Variants in SEC14L5 observed in about 807,000 individuals in gnomAD.
SEC14L5 encodes SEC14-like protein 5.
In SEC14L5, 96 loss-of-function variants were observed where a neutral mutation model predicts 84.6. The observed-to-expected ratio is 1.13, with a 90% CI of 0.96 to 1.34. SEC14L5 has a LOEUF of 1.34. Ranked by LOEUF, SEC14L5 falls within the 40% of genes most tolerant of loss-of-function variation. SEC14L5 has a pLI of 0.00. For synonymous variants in SEC14L5, 546 were observed against 383.4 expected, an observed-to-expected ratio of 1.42 and a Z score of -4.95; for missense variants, 1,224 against 942.5, an observed-to-expected ratio of 1.30 and a Z score of -3.91.
At chr16:4,995,610 TTC>T (rs969613056) in intron 6 of SEC14L5, among the ~76,000 whole-genome samples, 18 of 146,512 alleles carry the variant, frequency 1.2e-4, no homozygotes, top group Non-Finnish European at 1.6e-4. Flanking sequence ...CAGTTTTATC[TTC>T]TCTCTCTCTC....
In SEC14L5 at chr16:5,018,473, C is replaced by T; in HGVS notation, c.*3503C>T. ...CTTGAGTGCAGGAGTTCAAGACCAG[C>T]CTGGGCAACATAGTGAGACCCTGTC... On this transcript the variant is annotated 3_prime_UTR_variant, in exon 16 of 16. Coordinates refer to ENST00000251170, the MANE Select transcript of SEC14L5 (RefSeq NM_014692.2). 6.6e-6 allele frequency: 1 copy of T among 152,318 alleles called. No individual in the cohort carries two copies. Among genetic ancestry groups the T allele is most frequent in the Non-Finnish European group, 1.5e-5 (1 of 68,092 alleles). The allele number at this position is 152,318 out of a possible 1,614,324, so 9.4% of individuals were successfully genotyped here.
chr16:4,958,662 C>G (rs1955083221), intron 1 of SEC14L5, among the ~76,000 whole-genome samples: 1 of 152,094 alleles, frequency 6.6e-6, no homozygotes, highest in East Asian at 1.9e-4. Context: ...GTGTGCACGT[C>G]TGTGCACACC....
intron 2 of SEC14L5, among the ~76,000 whole-genome samples, chr16:4,967,902 CTCCT>C (rs1225635299): frequency 4.7e-5 from 7 of 149,752 alleles, no homozygotes; most frequent in Non-Finnish European, 8.9e-5. Context: ...CACACCTGGC[CTCCT>C]TCCTTCCTTC....
rs1955879672 is a variant in SEC14L5 at position 5,016,833 on chromosome 16, C to G, written c.*1863C>G. The G allele has an allele frequency of 6.6e-6, 1 of 152,232 alleles. No individual in the cohort carries two copies. 9.4% of individuals were successfully genotyped at this position (152,232 alleles called of 1,614,324 possible). ...CTGGGAGAGAGCCTTGCCCACCTTC[C>G]TGTTGGCTCTCTGTCCGCTTCTCAG... On this transcript the variant is annotated 3_prime_UTR_variant, in exon 16 of 16. Transcript: ENST00000251170.
chr16:5,006,679 C>T (rs1440012523), intron 12 of SEC14L5, among the ~76,000 whole-genome samples: 1 of 152,216 alleles, frequency 6.6e-6, no homozygotes, highest in African/African-American at 2.4e-5. Context: ...TTAAAAAAGT[C>T]TTTTCCTAGG....
chr16:5,016,773 A>G lies in SEC14L5; in HGVS notation c.*1803A>G, dbSNP rs927767911. The G allele has an allele frequency of 2.0e-5, 3 of 152,226 alleles. No individual in the cohort carries two copies. The highest frequency in any genetic ancestry group is 1.3e-4 in the Admixed American group (2 of 15,282). The allele number at this position is 152,226 out of a possible 1,614,324, so 9.4% of individuals were successfully genotyped here. A position where few individuals can be genotyped will look rare whatever the true frequency, so the allele number is the denominator to read the frequency against. ...TCAACCCCAAACCCAAGGAAGAGAG[A>G]AAGTGTCATCTTTTCAGATACATCC... On this transcript the variant is annotated 3_prime_UTR_variant, in exon 16 of 16. Coordinates refer to ENST00000251170, the MANE Select transcript of SEC14L5 (RefSeq NM_014692.2).
At chr16:5,005,147 C>G (rs937571380) in intron 11 of SEC14L5, among the ~76,000 whole-genome samples, 4 of 152,000 alleles carry the variant, frequency 2.6e-5, no homozygotes, top group African/African-American at 9.7e-5. Context: ...TACAAAAGTA[C>G]AAAATTAAAA....
At chr16:5,001,451 G>C (rs561205177) in intron 10 of SEC14L5, among the ~76,000 whole-genome samples, 5 of 152,116 alleles carry the variant, frequency 3.3e-5, no homozygotes, top group Admixed American at 1.3e-4. Context: ...AGTAGAGACA[G>C]GGTTTCACTG....
intron 2 of SEC14L5, among the ~76,000 whole-genome samples, chr16:4,981,974 CA>C (rs540274827): frequency 1.1e-3 from 165 of 152,290 alleles, no homozygotes; most frequent in African/African-American, 3.8e-3. Context: ...ACACAGTTCT[CA>C]GGGGGTCTCC....
In SEC14L5 at chr16:5,016,473, GA is replaced by G. The variant is rs922845794; in HGVS notation, c.*1504del. The G allele has an allele frequency of 5.3e-5, 8 of 152,206 alleles. No individual in the cohort carries two copies. Among genetic ancestry groups the G allele is most frequent in the Admixed American group, 5.2e-4 (8 of 15,272 alleles). The allele number at this position is 152,206 out of a possible 1,614,324, so 9.4% of individuals were successfully genotyped here. ...AATGGGGTCACTATTGTTGCATGAA[GA>G]CAACACCTCTGCACCCCTGGATGTG... On this transcript the variant is annotated 3_prime_UTR_variant, in exon 16 of 16. Transcript: ENST00000251170.
At position 5,000,462 on chromosome 16, in the gene SEC14L5, T is replaced by C. The variant is rs575482544; in HGVS notation, c.971-193T>C. Among the ~76,000 whole-genome samples, 15 of 152,218 alleles carry C rather than the reference T, an allele frequency of 9.9e-5. No homozygotes were observed. The East Asian group carries it at 2.9e-3, about 29-fold the overall frequency. The stretch of plus-strand genomic sequence containing the variant: ...CTTATCCTCATTGTAACACTTCTGT[T>C]TTTCTGCCTTTCACAATAAGGGGCG... On this transcript the variant is annotated intron_variant, in intron 8 of 15. Coordinates refer to ENST00000251170, the MANE Select transcript of SEC14L5 (RefSeq NM_014692.2).
intron 8 of SEC14L5, among the ~76,000 whole-genome samples, chr16:4,999,135 G>A (rs1424227257): frequency 6.6e-6 from 1 of 152,102 alleles, no homozygotes; most frequent in Non-Finnish European, 1.5e-5. Flanking sequence ...TGTTTAAAAT[G>A]CCTCTTCGTG....
In SEC14L5 at chr16:4,999,230, C is replaced by G. The variant is rs374186721; in HGVS notation, c.971-1425C>G. On this transcript the variant is annotated intron_variant, in intron 8 of 15. Coordinates refer to ENST00000251170, the MANE Select transcript of SEC14L5 (RefSeq NM_014692.2). The stretch of plus-strand genomic sequence containing the variant: ...GAAAACACCCAAAGTGCTCCACTAG[C>G]TTCAGGCAGGCACCAGCTACAGGGC... Among the ~76,000 whole-genome samples the G allele has an allele frequency of 1.5e-3, 231 of 152,314 alleles. 1 individual carries two copies. The highest frequency in any genetic ancestry group is 5.3e-3 in the African/African-American group (222 of 41,570).
At chr16:5,010,372 AAAAC>A (rs1392341292) in intron 14 of SEC14L5, among the ~76,000 whole-genome samples, 3 of 152,168 alleles carry the variant, frequency 2.0e-5, no homozygotes, top group Admixed American at 1.3e-4. Flanking sequence ...TCAGAAAAAA[AAAAC>A]AAAACTGTAG....
At chr16:4,977,937 A>G (rs191906787) in intron 2 of SEC14L5, among the ~76,000 whole-genome samples, 3,089 of 150,508 alleles carry the variant, frequency 0.021, 92 homozygotes, top group African/African-American at 0.071. Context: ...AGTAGCTGGG[A>G]TTACAGGTGC....
intron 2 of SEC14L5, among the ~76,000 whole-genome samples, chr16:4,970,603 A>G (rs1410177213): frequency 1.3e-5 from 2 of 152,206 alleles, no homozygotes; most frequent in African/African-American, 2.4e-5. Context: ...TCCCGGAGCC[A>G]TCAGGGGAAC....
rs1955750243 is a variant in SEC14L5, at chr16:5,007,845, A to G, written c.1572+359A>G. Among the ~76,000 whole-genome samples the G allele has an allele frequency of 3.3e-5, 5 of 149,418 alleles. No individual in the cohort carries two copies. In the South Asian group the frequency reaches 6.3e-4, roughly 19 times the overall value. On this transcript the variant is annotated intron_variant, in intron 13 of 15. Transcript: ENST00000251170. ...GGTCTTGAAATCCTGAGGTCAGGTG[A>G]TCCGCCCGCCTAGGCCTCCCAAAGT... is the stretch of plus-strand genomic sequence containing the variant.
intron 10 of SEC14L5, among the ~76,000 whole-genome samples, chr16:5,002,406 C>T (rs779478252): frequency 1.3e-5 from 2 of 150,556 alleles, no homozygotes; most frequent in Non-Finnish European, 2.9e-5. Flanking sequence ...AAGTGATTCT[C>T]GTGCCTCAGC....
chr16:4,978,520 G>A (rs1184614265), intron 2 of SEC14L5, among the ~76,000 whole-genome samples: 1 of 148,278 alleles, frequency 6.7e-6, no homozygotes, highest in Non-Finnish European at 1.5e-5. Context: ...CTATGCTCAA[G>A]CGATTCTCCT....
Sources: allele counts gnomAD v4.1 joint callset (sites outside exome capture counted in the v4.1 genomes callset), GRCh38; gene constraint gnomAD v4.1.1; transcripts MANE v1.5; gene names NCBI Gene and HGNC (gene_info 2026-07-23, HGNC 2026-07-21).